Variants in PXK observed in about 807,000 individuals in gnomAD.
PXK encodes PX domain containing serine/threonine kinase like, also known as PX domain-containing protein kinase-like protein.
Under a neutral mutation model 84.7 loss-of-function variants are expected in PXK, and 35 were observed. The observed-to-expected ratio is 0.41, with a 90% CI of 0.32 to 0.55. The LOEUF (loss-of-function observed/expected upper bound fraction) is 0.55, where lower values mean the gene tolerates loss of function less well. PXK is among the 20% of genes least tolerant of loss of function. The pLI is 0.21. For synonymous variants in PXK, 253 were observed against 260.8 expected, an observed-to-expected ratio of 0.97 and a Z score of 0.29; for missense variants, 634 against 699.7, an observed-to-expected ratio of 0.91 and a Z score of 1.06.
intron 3 of PXK, among the ~76,000 whole-genome samples, chr3:58,373,940 G>A (rs1256130908): frequency 6.6e-6 from 1 of 151,512 alleles, no homozygotes. Flanking sequence ...AGCTACTCGG[G>A]AGGCTGAGGC....
chr3:58,382,460 T>G (rs1458741650), intron 3 of PXK, 54 bp from the exon 4 acceptor site: 1 of 1,396,102 alleles, frequency 7.2e-7, no homozygotes, highest in Non-Finnish European at 9.4e-7. Flanking sequence ...GATTTTTGTG[T>G]TGATTCTTAT....
In PXK at chr3:58,395,079, A is replaced by G; in HGVS notation, c.697A>G (p.Thr233Ala). 1.2e-6 allele frequency: 2 copies of G among 1,612,134 alleles called. No individual in the cohort carries two copies. The highest frequency in any genetic ancestry group is 1.7e-6 in the Non-Finnish European group (2 of 1,178,250). ...AATTAGGATGTTTAACGAAAAGGGA[A>G]CATTGAAGGATCTGATCTACAAGGT... ...LLIRMFNEKG[T>A]LKDLIYKAKP... The change falls in exon 8 of 18, where the codon ACA becomes GCA. Residue 233 changes from threonine to alanine, a missense_variant. Coordinates refer to ENST00000356151, the MANE Select transcript of PXK (RefSeq NM_017771.5).
chr3:58,367,880 T>C (rs988562543), intron 2 of PXK, among the ~76,000 whole-genome samples: 1 of 152,102 alleles, frequency 6.6e-6, no homozygotes. Flanking sequence ...AGATGGGGTT[T>C]GGCCATGTTG....
At chr3:58,350,352 G>A (rs1035966626) in intron 1 of PXK, among the ~76,000 whole-genome samples, 7 of 152,120 alleles carry the variant, frequency 4.6e-5, no homozygotes, top group Non-Finnish European at 8.8e-5. Context: ...AAACCAGGTG[G>A]TTGTGGTATT....
At position 58,401,671 on chromosome 3, in the gene PXK, A is replaced by G. The variant is rs911086898; in HGVS notation, c.1182-2191A>G. On this transcript the variant is annotated intron_variant, in intron 12 of 17. Transcript: ENST00000356151. This position sits in a 1 kb window ranked among gnomAD's most constrained non-coding sequence, Gnocchi z 4.4. ...GGCAGGCGTGGTGGCTCATGCCTGT[A>G]ATCCCAGCACTTTAGGAGGCCAAGG... Among the ~76,000 whole-genome samples, 5 of 151,728 alleles carry G rather than the reference A, an allele frequency of 3.3e-5. No individual in the cohort carries two copies. Among genetic ancestry groups the G allele is most frequent in the Non-Finnish European group, 4.4e-5 (3 of 67,940 alleles).
At position 58,383,737 on chromosome 3, in the gene PXK, T is replaced by G. The variant is rs1462072014; in HGVS notation, c.388+1037T>G. 6.6e-6 allele frequency among the ~76,000 whole-genome samples: 1 copy of G among 152,214 alleles called. No individual in the cohort carries two copies. The highest frequency in any genetic ancestry group is 2.4e-5 in the African/African-American group (1 of 41,454). On this transcript the variant is annotated intron_variant, in intron 4 of 17. Coordinates refer to ENST00000356151, the MANE Select transcript of PXK (RefSeq NM_017771.5). This position sits in a 1 kb window ranked among gnomAD's most constrained non-coding sequence, Gnocchi z 4.0. ...TGAAAAGAACAGTAGAAACCATTGT[T>G]TCACCTGATTTGTTTAAAGAGAAAC...
rs752593667 is a variant in PXK at position 58,333,007 on chromosome 3, C to A, written c.19C>A (p.Pro7Thr). The change falls in exon 1 of 18, where the codon CCG becomes ACG. Residue 7 changes from proline to threonine, a missense_variant. By Grantham distance (38) the Pro-to-Thr change is conservative. This residue lies in a region of PXK where 353 missense variants were observed against 385.2 expected (regional missense o/e 0.92). Transcript: ENST00000356151. This position sits in a 1 kb window ranked among gnomAD's most constrained non-coding sequence, Gnocchi z 5.4. The part of the protein sequence containing the change: MAFMEK[P>T]PAGKVLLDDT... ...TCCCGGGATGGCCTTCATGGAGAAG[C>A]CGCCAGCCGGCAAGGTGCTGCTGGA... 2 of 1,369,572 alleles carry A rather than the reference C, an allele frequency of 1.5e-6. No homozygotes were observed. Among genetic ancestry groups the A allele is most frequent in the South Asian group, 1.4e-5 (1 of 69,252 alleles). 84.8% of individuals were successfully genotyped at this position (1,369,572 alleles called of 1,614,324 possible). A position where few individuals can be genotyped will look rare whatever the true frequency, so the allele number is the denominator to read the frequency against.
chr3:58,409,687 A>T lies in PXK; in HGVS notation c.1395+69A>T, dbSNP rs2107566051. ...TACATGTGAAGAAAGTTCTAGGTTA[A>T]TGGTGCCCATTTAATGACAGATGCT... On this transcript the variant is annotated intron_variant, in intron 15 of 17. Coordinates refer to ENST00000356151, the MANE Select transcript of PXK (RefSeq NM_017771.5). This position sits in a 1 kb window ranked among gnomAD's most constrained non-coding sequence, Gnocchi z 4.2. 7.9e-7 allele frequency: 1 copy of T among 1,266,082 alleles called. No homozygotes were observed. The highest frequency in any genetic ancestry group is 1.3e-5 in the South Asian group (1 of 74,118). The allele number at this position is 1,266,082 out of a possible 1,614,324, so 78.4% of individuals were successfully genotyped here.
intron 7 of PXK, 89 bp downstream of exon 7, chr3:58,391,936 C>T: frequency 8.3e-7 from 1 of 1,209,704 alleles, no homozygotes; most frequent in Non-Finnish European, 1.2e-6. Context: ...AGCTGGAAAA[C>T]AGAATGGGGA....
rs1405181020 is a variant in PXK at position 58,391,966 on chromosome 3, C to T, written c.615+119C>T. 4.4e-6 allele frequency: 4 copies of T among 907,682 alleles called. No homozygotes were observed. In the Admixed American group the frequency reaches 8.9e-5, roughly 20 times the overall value. 56.2% of individuals were successfully genotyped at this position (907,682 alleles called of 1,614,324 possible). A position where few individuals can be genotyped will look rare whatever the true frequency, so the allele number is the denominator to read the frequency against. ...TGGGGAGATACAGTGGATTTCAGGT[C>T]AGACTGAAATTGTGTAGGGCTAATC... On this transcript the variant is annotated intron_variant, in intron 7 of 17. Transcript: ENST00000356151.
rs189317972 is a variant in PXK, at chr3:58,383,881, G to A, written c.388+1181G>A. Reference sequence around the variant, plus strand: ...TTGCTTTTGAAGTAATTAGAGAGAGGCATTTTTATTCCTATTTTATTCCTT... The same window carrying A: ...TTGCTTTTGAAGTAATTAGAGAGAGACATTTTTATTCCTATTTTATTCCTT... On this transcript the variant is annotated intron_variant, in intron 4 of 17. Transcript: ENST00000356151. This position sits in a 1 kb window ranked among gnomAD's most constrained non-coding sequence, Gnocchi z 4.0. 9.7e-4 allele frequency among the ~76,000 whole-genome samples: 148 copies of A among 152,246 alleles called. No individual in the cohort carries two copies. The highest frequency in any genetic ancestry group is 3.4e-3 in the Middle Eastern group (1 of 294).
rs1045847786 is a variant in PXK, at chr3:58,397,891, T to G, written c.1102+169T>G. 7.2e-5 allele frequency among the ~76,000 whole-genome samples: 11 copies of G among 152,208 alleles called. No individual in the cohort carries two copies. Among genetic ancestry groups the G allele is most frequent in the Admixed American group, 7.2e-4 (11 of 15,278 alleles). ...TTTGAGTAGTTTACTTAAATACACT[T>G]CTGTGAAAATTCAGGTGGCTTGTCC... On this transcript the variant is annotated intron_variant, in intron 11 of 17. Transcript: ENST00000356151. The surrounding 1 kb of genome is among the most constrained non-coding windows in gnomAD (Gnocchi z 4.7).
At position 58,399,327 on chromosome 3, in the gene PXK, T is replaced by C. The variant is rs2058210393; in HGVS notation, c.1131T>C (p.Cys377=). 6.2e-7 allele frequency: 1 copy of C among 1,614,084 alleles called. No individual in the cohort carries two copies. The highest frequency in any genetic ancestry group is 1.3e-5 in the African/African-American group (1 of 74,938). Residue 377 remains cysteine, a synonymous_variant, in exon 12 of 18, where the codon TGT becomes TGC. Coordinates refer to ENST00000356151, the MANE Select transcript of PXK (RefSeq NM_017771.5). This position sits in a 1 kb window ranked among gnomAD's most constrained non-coding sequence, Gnocchi z 4.3. The part of the protein sequence containing the change: ...VVAVLESTLS[C]EACKNGMPTI... ...CCGTGTTGGAGTCTACGCTGTCTTG[T>C]GAAGCCTGTAAAAATGGCATGCCTA...
intron 1 of PXK, among the ~76,000 whole-genome samples, chr3:58,357,865 A>T (rs972193003): frequency 6.6e-6 from 1 of 152,110 alleles, no homozygotes; most frequent in African/African-American, 2.4e-5. Flanking sequence ...CAGGAGAATT[A>T]TATGAACCCG....
At chr3:58,408,194 T>C (rs1290551883) in intron 13 of PXK, among the ~76,000 whole-genome samples, 1 of 152,252 alleles carries the variant, frequency 6.6e-6, no homozygotes, top group Non-Finnish European at 1.5e-5. Flanking sequence ...CACAAGCATT[T>C]ATTTCTGGGC....
chr3:58,425,301 C>T lies in PXK; in HGVS notation c.*341C>T, dbSNP rs2062676366. 1 of 275,018 alleles carries T rather than the reference C, an allele frequency of 3.6e-6. No homozygotes were observed. The highest frequency in any genetic ancestry group is 7.1e-6 in the Non-Finnish European group (1 of 140,544). The allele number at this position is 275,018 out of a possible 1,614,324, so 17.0% of individuals were successfully genotyped here. On this transcript the variant is annotated 3_prime_UTR_variant, in exon 18 of 18. Coordinates refer to ENST00000356151, the MANE Select transcript of PXK (RefSeq NM_017771.5). ...AAACAATGACAATATTCAATCACAG[C>T]AGTAAATGGCCTTTGTGTTGCAATC...
At position 58,414,812 on chromosome 3, in the gene PXK, A is replaced by C. The variant is rs1370796161; in HGVS notation, c.1528+1849A>C. On this transcript the variant is annotated intron_variant, in intron 17 of 17. Transcript: ENST00000356151. The surrounding 1 kb of genome is among the most constrained non-coding windows in gnomAD (Gnocchi z 4.5). ...CTCTGCTGGGCATTTCCTGTAATGC[A>C]TCTCATGAAAATGGTAACTAATATT... is the stretch of plus-strand genomic sequence containing the variant. Among the ~76,000 whole-genome samples, 1 of 152,206 alleles carries C rather than the reference A, an allele frequency of 6.6e-6. No individual in the cohort carries two copies. Among genetic ancestry groups the C allele is most frequent in the African/African-American group, 2.4e-5 (1 of 41,452 alleles).
rs1304123119 is a variant in PXK, at chr3:58,412,450, T to G, written c.1466-451T>G. 6.6e-6 allele frequency among the ~76,000 whole-genome samples: 1 copy of G among 152,268 alleles called. No homozygotes were observed. The highest frequency in any genetic ancestry group is 1.5e-5 in the Non-Finnish European group (1 of 68,008). On this transcript the variant is annotated intron_variant, in intron 16 of 17. Transcript: ENST00000356151. This position sits in a 1 kb window ranked among gnomAD's most constrained non-coding sequence, Gnocchi z 6.2. ...ATTCTACCTGCTGATAAAATGGAAC[T>G]TCGGCAGAATGCGTTACTGGGTGGA...
rs769441866 is a variant in PXK at position 58,424,774 on chromosome 3, T to TCCTCCA, written c.1560_1565dup (p.Pro523_Pro524dup). On this transcript the variant is annotated inframe_insertion, in exon 18 of 18. Coordinates refer to ENST00000356151, the MANE Select transcript of PXK (RefSeq NM_017771.5). ...CAGGGATATCTGCATTACCTCCACC[T>TCCTCCA]CCTCCACCTCCACCACCACCAGCAG... The TCCTCCA allele has an allele frequency of 3.7e-6, 6 of 1,613,740 alleles. No individual in the cohort carries two copies. In the Admixed American group the frequency reaches 6.7e-5, roughly 18 times the overall value.
Sources: gnomAD v4.1 joint callset for allele counts (sites outside exome capture counted in the v4.1 genomes callset) on GRCh38, gnomAD v4.1.1 for gene constraint, gnomAD v4.1.1 regional missense constraint, Gnocchi (gnomAD v3.1) non-coding constraint, MANE v1.5 for transcripts, NCBI Gene and HGNC (gene_info 2026-07-23, HGNC 2026-07-21) for gene names.